The following FGGY variants were observed in gnomAD, a reference collection of about 807,000 sequenced individuals.
FGGY encodes FGGY carbohydrate kinase domain-containing protein.
Under a neutral mutation model 71.3 loss-of-function variants are expected in FGGY, and 72 were observed. That is an observed-to-expected ratio of 1.01 (90% CI 0.84 to 1.23). The LOEUF is 1.23. Among genes scored for constraint, FGGY ranks in the 50% most tolerant of loss-of-function variants. FGGY has a pLI of 0.00. For missense variants in FGGY, 668 were observed against 682.3 expected (o/e 0.98, Z 0.23); for synonymous variants, 251 against 250.3 (o/e 1.00, Z -0.02).
chr1:59,409,441 A>G (rs1357372081), intron 5 of FGGY, among the ~76,000 whole-genome samples: 13 of 152,110 alleles, frequency 8.5e-5, no homozygotes, highest in Non-Finnish European at 1.8e-4. Flanking sequence ...GCCGTTGAGA[A>G]AGGGAGCAAG....
intron 12 of FGGY, among the ~76,000 whole-genome samples, chr1:59,663,062 G>A (rs1047566836): frequency 4.6e-5 from 7 of 152,124 alleles, no homozygotes; most frequent in Admixed American, 2.6e-4. Flanking sequence ...GAGGGACCAA[G>A]GGGCACCATC....
intron 14 of FGGY, among the ~76,000 whole-genome samples, chr1:59,715,326 T>G (rs1007695078): frequency 4.6e-5 from 7 of 152,162 alleles, no homozygotes; most frequent in African/African-American, 1.7e-4. Context: ...TAGAGGGTGG[T>G]GAACATGAAT....
At chr1:59,728,093 C>G (rs1200273506) in intron 14 of FGGY, among the ~76,000 whole-genome samples, 1 of 152,048 alleles carries the variant, frequency 6.6e-6, no homozygotes, top group Non-Finnish European at 1.5e-5. Context: ...ATATTTGTAA[C>G]ATTTATTCTT....
At chr1:59,669,540 C>CTTTTTTTTTTTTTTTTTT (rs58004594) in intron 13 of FGGY, among the ~76,000 whole-genome samples, 18 of 102,496 alleles carry the variant, frequency 1.8e-4, no homozygotes, top group South Asian at 3.7e-4. Context: ...TTCTAGACTT[C>CTTTTTTTTTTTTTTTTTT]TTTTTTTTTT....
intron 10 of FGGY, among the ~76,000 whole-genome samples, chr1:59,634,224 G>A (rs774669370): frequency 1.3e-5 from 2 of 152,084 alleles, no homozygotes; most frequent in African/African-American, 4.8e-5. Flanking sequence ...GGCCAACATA[G>A]TGAAACCCCA....
chr1:59,586,026 A>T lies in FGGY; in HGVS notation c.904-21777A>T, dbSNP rs998898936. Among the ~76,000 whole-genome samples the T allele has an allele frequency of 5.4e-4, 82 of 152,336 alleles. 1 individual carries two copies. The highest frequency in any genetic ancestry group is 7.1e-4 in the Non-Finnish European group (48 of 68,030). ...CAGGAAACAACAGATGCTGGAGAGGATGTGGAGAAATAGGAACACTTTTAC... is the reference window on the plus strand; with the variant it reads ...CAGGAAACAACAGATGCTGGAGAGGTTGTGGAGAAATAGGAACACTTTTAC... On this transcript the variant is annotated intron_variant, in intron 8 of 15. Transcript: ENST00000303721.
intron 5 of FGGY, among the ~76,000 whole-genome samples, chr1:59,399,372 ATTAT>A (rs1167134195): frequency 1.3e-5 from 2 of 152,300 alleles, no homozygotes; most frequent in Middle Eastern, 3.4e-3. Context: ...GATATAAGTG[ATTAT>A]TTATCACTTA....
At chr1:59,356,242 T>C (rs936388679) in intron 4 of FGGY, among the ~76,000 whole-genome samples, 1 of 152,160 alleles carries the variant, frequency 6.6e-6, no homozygotes, top group African/African-American at 2.4e-5. Flanking sequence ...ACTTTTCCTC[T>C]AGCAAGCGCT....
chr1:59,715,674 A>C (rs1481106671), intron 14 of FGGY, among the ~76,000 whole-genome samples: 4 of 152,242 alleles, frequency 2.6e-5, no homozygotes, highest in East Asian at 3.8e-4. Flanking sequence ...GTAAAGGGAC[A>C]TACTAACACC....
At chr1:59,589,193 A>C (rs2096376318) in intron 8 of FGGY, among the ~76,000 whole-genome samples, 1 of 152,010 alleles carries the variant, frequency 6.6e-6, no homozygotes, top group South Asian at 2.1e-4. Flanking sequence ...GAGACAAAGA[A>C]GGCCATTAAA....
chr1:59,643,070 A>G (rs1354358391), intron 11 of FGGY, among the ~76,000 whole-genome samples: 3 of 152,046 alleles, frequency 2.0e-5, no homozygotes, highest in Non-Finnish European at 4.4e-5. Flanking sequence ...ATTACATACA[A>G]AGAAAAAAAT....
intron 6 of FGGY, among the ~76,000 whole-genome samples, chr1:59,484,139 A>G (rs2093588660): frequency 6.6e-6 from 1 of 152,138 alleles, no homozygotes; most frequent in South Asian, 2.1e-4. Flanking sequence ...AACTGTCCCA[A>G]AGTCTCATGG....
Position 59,430,410 on chromosome 1 carries a change from T to A in FGGY, c.555-26551T>A, listed in dbSNP as rs543823912. ...TGTCTTTTTTGGTGTAAAATCCCGG[T>A]GCAGGGAGACATTTCATATTACACT... On this transcript the variant is annotated intron_variant, in intron 5 of 15. Transcript: ENST00000303721. Among the ~76,000 whole-genome samples, 135 of 152,298 alleles carry A rather than the reference T, an allele frequency of 8.9e-4. No individual in the cohort carries two copies. The Middle Eastern group carries it at 0.017, about 19-fold the overall frequency.
At position 59,589,052 on chromosome 1, in the gene FGGY, A is replaced by C. The variant is rs1265475201; in HGVS notation, c.904-18751A>C. On this transcript the variant is annotated intron_variant, in intron 8 of 15. Transcript: ENST00000303721. ...GCTGTATTCAGGAAACCCAGCTCAC[A>C]TGCAGAGACACACATAGGCTCAAAA... is the stretch of plus-strand genomic sequence containing the variant. Among the ~76,000 whole-genome samples, 7 of 152,326 alleles carry C rather than the reference A, an allele frequency of 4.6e-5. No homozygotes were observed. In the South Asian group the frequency reaches 8.3e-4, roughly 18 times the overall value.
intron 11 of FGGY, among the ~76,000 whole-genome samples, chr1:59,657,634 A>G (rs2097232839): frequency 6.6e-6 from 1 of 152,224 alleles, no homozygotes; most frequent in African/African-American, 2.4e-5. Flanking sequence ...TGGTGCAGGC[A>G]GCTCACAGAA....
chr1:59,493,131 A>ACACAC (rs58373953), intron 6 of FGGY, among the ~76,000 whole-genome samples: 1 of 146,174 alleles, frequency 6.8e-6, no homozygotes, highest in East Asian at 1.9e-4. Context: ...ACACACACAC[A>ACACAC]AAACAGAAAG....
At chr1:59,502,708 C>G (rs1164415083) in intron 6 of FGGY, among the ~76,000 whole-genome samples, 1 of 152,164 alleles carries the variant, frequency 6.6e-6, no homozygotes, top group Admixed American at 6.5e-5. Flanking sequence ...GAGTCAGGAG[C>G]TCTGGATTCA....
At chr1:59,733,343 G>A (rs566205938) in intron 14 of FGGY, 21 of 154,178 alleles carry the variant, frequency 1.4e-4, no homozygotes, top group Middle Eastern at 5.6e-4. Flanking sequence ...GGGAAACTGG[G>A]TGATGTCTCT....
chr1:59,358,977 A>C (rs1191924085), intron 4 of FGGY, among the ~76,000 whole-genome samples: 1 of 152,226 alleles, frequency 6.6e-6, no homozygotes, highest in Admixed American at 6.5e-5. Flanking sequence ...GCAACGTTGG[A>C]ATGCAAACCC....
Sources: gnomAD v4.1 joint callset for allele counts (sites outside exome capture counted in the v4.1 genomes callset) on GRCh38, gnomAD v4.1.1 for gene constraint, MANE v1.5 for transcripts, NCBI Gene and HGNC (gene_info 2026-07-23, HGNC 2026-07-21) for gene names.